ATP6V1C2: variants seen among roughly 807,000 people sequenced by gnomAD.
ATP6V1C2 encodes the protein ATPase H+ transporting V1 subunit C2.
In ATP6V1C2, 45 loss-of-function variants were observed where a neutral mutation model predicts 56.8. That is an observed-to-expected ratio of 0.79 (90% CI 0.62 to 1.02). The LOEUF is 1.02. Ranked by LOEUF, ATP6V1C2 falls within the 50% of genes least tolerant of loss-of-function variation. ATP6V1C2 has a pLI of 0.00. For synonymous variants in ATP6V1C2, 220 were observed against 201.3 expected (o/e 1.09, Z -0.79); for missense variants, 463 against 519.7 (o/e 0.89, Z 1.06).
chr2:10,738,857 C>T (rs942493892), intron 3 of ATP6V1C2, among the ~76,000 whole-genome samples: 3 of 152,214 alleles, frequency 2.0e-5, no homozygotes, highest in African/African-American at 7.2e-5. Flanking sequence ...CAGCCCTCCA[C>T]AGGAGACGCC....
intron 3 of ATP6V1C2, among the ~76,000 whole-genome samples, chr2:10,727,413 A>G (rs1661707799): frequency 1.3e-5 from 2 of 150,426 alleles, no homozygotes; most frequent in Admixed American, 6.6e-5. Context: ...AAAAATAGCT[A>G]GATGTGGTGA....
chr2:10,775,760 C>T (rs1356427178), intron 10 of ATP6V1C2, among the ~76,000 whole-genome samples: 1 of 152,110 alleles, frequency 6.6e-6, no homozygotes, highest in Non-Finnish European at 1.5e-5. Context: ...TCTCCTGCTG[C>T]GATGCTGGGC....
chr2:10,743,539 C>A (rs1463586936), intron 3 of ATP6V1C2, among the ~76,000 whole-genome samples: 2 of 151,686 alleles, frequency 1.3e-5, no homozygotes, highest in Non-Finnish European at 1.5e-5. Flanking sequence ...AGCACATGAG[C>A]CAGTATAGCA....
intron 10 of ATP6V1C2, among the ~76,000 whole-genome samples, chr2:10,776,266 C>CGT (rs60750436): frequency 0.19 from 28,757 of 151,058 alleles, 2,874 homozygotes; most frequent in African/African-American, 0.22. Flanking sequence ...CGCTCACACA[C>CGT]GTGTGTGTGT....
At chr2:10,733,237 T>C (rs1662063928) in intron 3 of ATP6V1C2, among the ~76,000 whole-genome samples, 2 of 152,160 alleles carry the variant, frequency 1.3e-5, no homozygotes, top group Non-Finnish European at 2.9e-5. Flanking sequence ...GGTCAGGGTG[T>C]CCTGTGTTGG....
At chr2:10,762,974 C>T (rs2148477428) in intron 4 of ATP6V1C2, among the ~76,000 whole-genome samples, 1 of 152,228 alleles carries the variant, frequency 6.6e-6, no homozygotes, top group Admixed American at 6.5e-5. Context: ...TGTCCCCAGC[C>T]TGCTGCCCTT....
At chr2:10,776,912 A>G (rs961551096) in intron 10 of ATP6V1C2, among the ~76,000 whole-genome samples, 2 of 151,862 alleles carry the variant, frequency 1.3e-5, no homozygotes, top group African/African-American at 4.8e-5. Context: ...AGGTGGAGGC[A>G]CTCTCAGCTT....
At chr2:10,778,485 C>T (rs977164867) in intron 11 of ATP6V1C2, 87 bp from the exon 12 acceptor site, 18 of 1,217,148 alleles carry the variant, frequency 1.5e-5, no homozygotes, top group Admixed American at 9.0e-5. Context: ...CAGCTCAGGG[C>T]GTGCTCTGTC....
chr2:10,753,872 A>G, intron 3 of ATP6V1C2, 109 bp from the exon 4 acceptor site: 1 of 1,010,844 alleles, frequency 9.9e-7, no homozygotes, highest in Non-Finnish European at 1.5e-6. Context: ...ATCTTGCCAA[A>G]TTATTCCCCC....
chr2:10,765,987 C>T (rs1044320288), intron 5 of ATP6V1C2, among the ~76,000 whole-genome samples: 5 of 152,352 alleles, frequency 3.3e-5, no homozygotes, highest in African/African-American at 1.2e-4. Context: ...GCTGGGCTCT[C>T]TTACTGTCCG....
At chr2:10,755,855 G>A (rs1663523995) in intron 4 of ATP6V1C2, among the ~76,000 whole-genome samples, 1 of 152,220 alleles carries the variant, frequency 6.6e-6, no homozygotes. Flanking sequence ...GTCACGTTGG[G>A]AATGTCTGCC....
At chr2:10,734,948 G>T (rs1436634101) in intron 3 of ATP6V1C2, among the ~76,000 whole-genome samples, 4 of 152,116 alleles carry the variant, frequency 2.6e-5, no homozygotes, top group Non-Finnish European at 4.4e-5. Flanking sequence ...AGCCAGGCAT[G>T]GTGGGGTGTG....
chr2:10,781,931 G>GA (rs1665384576), intron 12 of ATP6V1C2, among the ~76,000 whole-genome samples: 1 of 152,162 alleles, frequency 6.6e-6, no homozygotes, highest in Non-Finnish European at 1.5e-5. Flanking sequence ...CAAACGCCTT[G>GA]GAGTCCGAAT....
chr2:10,745,769 T>A (rs998360267), intron 3 of ATP6V1C2, among the ~76,000 whole-genome samples: 36 of 152,160 alleles, frequency 2.4e-4, no homozygotes, highest in African/African-American at 8.2e-4. Context: ...AAACAGTGAC[T>A]CCTCCTTTCC....
At chr2:10,750,563 C>G (rs1358802050) in intron 3 of ATP6V1C2, among the ~76,000 whole-genome samples, 1 of 151,692 alleles carries the variant, frequency 6.6e-6, no homozygotes, top group Non-Finnish European at 1.5e-5. Flanking sequence ...TTCACAGAGG[C>G]TAGGACAAGG....
intron 4 of ATP6V1C2, 42 bp downstream of exon 4, chr2:10,754,108 C>T (rs904470663): frequency 1.3e-6 from 2 of 1,521,528 alleles, no homozygotes; most frequent in African/African-American, 2.8e-5. Flanking sequence ...AATCTCCCCG[C>T]TCCCTCTAGA....
In ATP6V1C2 at chr2:10,775,074, G is replaced by A. The variant is rs755724433; in HGVS notation, c.825+3G>A. ...TGTCTGATAAGAAGCAACAGTATGT[G>A]AGTATGTGATTGAGCAGCTCCTCCC... On this transcript the variant is annotated splice_donor_region_variant and intron_variant, in intron 10 of 13. Coordinates refer to ENST00000272238, the MANE Select transcript of ATP6V1C2 (RefSeq NM_001039362.2). 27 of 1,612,218 alleles carry A rather than the reference G, an allele frequency of 1.7e-5. No homozygotes were observed. The East Asian group carries it at 5.8e-4, about 35-fold the overall frequency.
At position 10,774,154 on chromosome 2, in the gene ATP6V1C2, G is replaced by A. The variant is rs368920422; in HGVS notation, c.639-634G>A. Among the ~76,000 whole-genome samples, 39 of 152,368 alleles carry A rather than the reference G, an allele frequency of 2.6e-4. No homozygotes were observed. In the South Asian group the frequency reaches 5.2e-3, roughly 20 times the overall value. On this transcript the variant is annotated intron_variant, in intron 8 of 13. Coordinates refer to ENST00000272238, the MANE Select transcript of ATP6V1C2 (RefSeq NM_001039362.2). The stretch of plus-strand genomic sequence containing the variant: ...ACTCTGGAAATACCTGGAGTCTGGC[G>A]GCAGCCCCTATGGGCATGGGCTCTG...
chr2:10,733,754 C>T (rs1256432123), intron 3 of ATP6V1C2, among the ~76,000 whole-genome samples: 2 of 138,630 alleles, frequency 1.4e-5, no homozygotes, highest in African/African-American at 5.7e-5. Flanking sequence ...GGGCGGTCAG[C>T]GGGACCTCAG....
Sources: gnomAD v4.1 joint callset for allele counts (sites outside exome capture counted in the v4.1 genomes callset) on GRCh38, gnomAD v4.1.1 for gene constraint, MANE v1.5 for transcripts, NCBI Gene and HGNC (gene_info 2026-07-23, HGNC 2026-07-21) for gene names.